ZNF799: variants seen among roughly 807,000 people sequenced by gnomAD.
ZNF799 encodes the protein zinc finger protein 14.
In ZNF799, 28 loss-of-function variants were observed where a neutral mutation model predicts 41.0. That is an observed-to-expected ratio of 0.68 (90% CI 0.51 to 0.94). The LOEUF is 0.94. Among genes scored for constraint, ZNF799 ranks in the 40% least tolerant of loss-of-function variants. ZNF799 has a pLI of 0.00. For synonymous variants in ZNF799, 213 were observed against 252.9 expected (o/e 0.84, Z 1.50); for missense variants, 716 against 764.3 (o/e 0.94, Z 0.74).
rs752438094 is a variant in ZNF799 at position 12,391,638 on chromosome 19, C to T, written c.760G>A (p.Glu254Lys). Residue 254 changes from glutamate (E) to lysine (K), a missense_variant, in exon 4 of 4, where the codon GAA becomes AAA. Physicochemically the swap from Glu to Lys is moderately conservative, Grantham distance 56. Transcript: ENST00000430385. ...ERTHTGEKLY[E>K]CKQCSKAFPD... Reference sequence around the variant, plus strand: ...AAGGCTTTAGAACACTGTTTACATTCATACAGTTTCTCCCCAGTATGTGTT... The same window carrying T: ...AAGGCTTTAGAACACTGTTTACATTTATACAGTTTCTCCCCAGTATGTGTT... The T allele has an allele frequency of 7.4e-6, 12 of 1,611,562 alleles. No homozygotes were observed. Among genetic ancestry groups the T allele is most frequent in the South Asian group, 1.1e-5 (1 of 90,932 alleles).
chr19:12,404,605 AAGAC>A (rs1483470284), upstream of ZNF799, among the ~76,000 whole-genome samples: 6 of 152,086 alleles, frequency 3.9e-5, no homozygotes, highest in African/African-American at 1.2e-4. Flanking sequence ...GCCAGTCTTA[AAGAC>A]AGCAGCCCGA....
chr19:12,393,047 G>A (rs1859104590), intron 2 of ZNF799, among the ~76,000 whole-genome samples: 2 of 146,892 alleles, frequency 1.4e-5, no homozygotes, highest in African/African-American at 5.0e-5. Flanking sequence ...GTAATAATAC[G>A]ACATAAAATA....
chr19:12,394,287 C>T (rs1969865181), intron 1 of ZNF799: 1 of 152,512 alleles, frequency 6.6e-6, no homozygotes, highest in Admixed American at 6.5e-5. Context: ...AAGGTTCTCA[C>T]CAGATGCCCA....
chr19:12,396,579 G>A (rs529445502), intron 1 of ZNF799, among the ~76,000 whole-genome samples: 25 of 152,338 alleles, frequency 1.6e-4, no homozygotes, highest in African/African-American at 4.1e-4. Context: ...AACCCAGGAC[G>A]TGGAGGTTGC....
chr19:12,391,712 T>C lies in ZNF799; in HGVS notation c.686A>G (p.Gln229Arg). The change falls in exon 4 of 4, where the codon CAG (glutamine) becomes CGG (arginine). Residue 229 changes from glutamine (Q) to arginine (R), a missense_variant. Around this residue, in one of 2 missense-constraint regions of ZNF799, gnomAD observed 698 missense variants for 713.6 expected, o/e 0.98. Transcript: ENST00000430385. ...HTGEKPYECK[Q>R]CSKAFSFYSS... Reference sequence around the variant, plus strand: ...GTAAAAAGAAAAGGCTTTAGAACACTGCTTACATTCATATGGTTTCTCTCC... The same window carrying C: ...GTAAAAAGAAAAGGCTTTAGAACACCGCTTACATTCATATGGTTTCTCTCC... The C allele has an allele frequency of 6.2e-7, 1 of 1,614,158 alleles. No individual in the cohort carries two copies.
At chr19:12,404,414 G>C (rs929522038), upstream of ZNF799, among the ~76,000 whole-genome samples, 16 of 151,886 alleles carry the variant, frequency 1.1e-4, no homozygotes, top group Middle Eastern at 3.2e-3. Context: ...TTATTGTATT[G>C]GTCTCTCTCT....
At chr19:12,406,341 G>A in the ZNF799 span, among the ~76,000 whole-genome samples, 26 of 150,184 alleles carry the variant, frequency 1.7e-4, no homozygotes, top group African/African-American at 5.6e-4. Flanking sequence ...AAAAATAGCC[G>A]GGCATGGTGG....
intron 1 of ZNF799, among the ~76,000 whole-genome samples, chr19:12,396,718 C>T (rs1270037638): frequency 2.0e-5 from 3 of 147,156 alleles, no homozygotes; most frequent in Non-Finnish European, 4.5e-5. Flanking sequence ...AAAATGAAGA[C>T]ATCATCACAA....
Position 12,390,535 on chromosome 19 carries a change from A to G in ZNF799, c.1863T>C (p.Tyr621=), listed in dbSNP as rs775332686. 3 of 1,613,580 alleles carry G rather than the reference A, an allele frequency of 1.9e-6. No individual in the cohort carries two copies. The highest frequency in any genetic ancestry group is 2.5e-6 in the Non-Finnish European group (3 of 1,179,832). Residue 621 remains tyrosine, a synonymous_variant, in exon 4 of 4, where the codon TAT becomes TAC. Coordinates refer to ENST00000430385, the MANE Select transcript of ZNF799 (RefSeq NM_001080821.3). The stretch of plus-strand genomic sequence containing the variant: ...ATGCTTTCCCACATTCCTTACATCC[A>G]TACGGGTTCTCTCCAGTGTGAGTTT... The part of the protein sequence containing the change: ...WKKTHTGENP[Y]GCKECGKAFA...
Position 12,391,202 on chromosome 19 carries a change from C to T in ZNF799, c.1196G>A (p.Gly399Glu), listed in dbSNP as rs1374087278. The change falls in exon 4 of 4, where the codon GGG becomes GAG. Residue 399 changes from glycine to glutamate, a missense_variant. Transcript: ENST00000430385. ...TACACTGGGATAAACAAAGGCTTTCCCACATATCTTGCATTTGTGAGGTCC... is the reference window on the plus strand; with the variant it reads ...TACACTGGGATAAACAAAGGCTTTCTCACATATCTTGCATTTGTGAGGTCC... ...GDGPHKCKIC[G>E]KAFVYPSVFQ... 1 of 1,614,006 alleles carries T rather than the reference C, an allele frequency of 6.2e-7. No homozygotes were observed. Among genetic ancestry groups the T allele is most frequent in the African/African-American group, 1.3e-5 (1 of 74,926 alleles).
At chr19:12,402,864 A>T (rs919160862), upstream of ZNF799, among the ~76,000 whole-genome samples, 2 of 152,108 alleles carry the variant, frequency 1.3e-5, no homozygotes, top group African/African-American at 4.8e-5. Flanking sequence ...TTTTGCATCA[A>T]TATTCATCAG....
At chr19:12,410,164 A>AATAT in the ZNF799 span, among the ~76,000 whole-genome samples, 10 of 149,178 alleles carry the variant, frequency 6.7e-5, no homozygotes. Flanking sequence ...CAAACAAACA[A>AATAT]ATATATATAT....
chr19:12,397,810 C>T (rs1969920408), intron 1 of ZNF799, among the ~76,000 whole-genome samples: 1 of 151,996 alleles, frequency 6.6e-6, no homozygotes, highest in South Asian at 2.1e-4. Flanking sequence ...AAGACAAGGA[C>T]TGACACAGTA....
upstream of ZNF799, among the ~76,000 whole-genome samples, chr19:12,401,466 A>G (rs1356833731): frequency 6.6e-6 from 1 of 151,456 alleles, no homozygotes; most frequent in African/African-American, 2.4e-5. Context: ...TTTGCACTTA[A>G]GCGGAATTTC....
chr19:12,406,629 G>T, the ZNF799 span, among the ~76,000 whole-genome samples: 1 of 152,078 alleles, frequency 6.6e-6, no homozygotes, highest in African/African-American at 2.4e-5. Context: ...GGCCTGGCGC[G>T]GTGGCTCATG....
intron 1 of ZNF799, among the ~76,000 whole-genome samples, chr19:12,398,884 C>G (rs1969937820): frequency 6.6e-6 from 1 of 152,056 alleles, no homozygotes; most frequent in African/African-American, 2.4e-5. Context: ...ACATACTACA[C>G]AAGCTCTGGG....
intron 1 of ZNF799, among the ~76,000 whole-genome samples, chr19:12,395,660 T>A (rs1462880521): frequency 6.6e-6 from 1 of 152,240 alleles, no homozygotes; most frequent in Non-Finnish European, 1.5e-5. Context: ...CCAGGTATCC[T>A]GGGGAATTGA....
chr19:12,390,358 C>G lies in ZNF799; in HGVS notation c.*108G>C. 13 of 1,582,536 alleles carry G rather than the reference C, an allele frequency of 8.2e-6. No individual in the cohort carries two copies. Among genetic ancestry groups the G allele is most frequent in the East Asian group, 2.2e-5 (1 of 44,680 alleles). On this transcript the variant is annotated 3_prime_UTR_variant, in exon 4 of 4. Coordinates refer to ENST00000430385, the MANE Select transcript of ZNF799 (RefSeq NM_001080821.3). ...AAACTGAAATTACTTAAGGTTTTAC[C>G]AAGTGCTTACATTCACAGGGTCTAT...
chr19:12,395,384 C>G (rs1481868259), intron 1 of ZNF799, among the ~76,000 whole-genome samples: 1 of 152,134 alleles, frequency 6.6e-6, no homozygotes, highest in African/African-American at 2.4e-5. Context: ...TCAAATGATC[C>G]GCCTGCCTTA....
Sources: allele counts gnomAD v4.1 joint callset (sites outside exome capture counted in the v4.1 genomes callset), GRCh38; gene constraint gnomAD v4.1.1; regional missense constraint gnomAD v4.1.1; transcripts MANE v1.5; gene names NCBI Gene and HGNC (gene_info 2026-07-23, HGNC 2026-07-21).